The following SLC26A5 variants were observed in gnomAD, a reference collection of about 807,000 sequenced individuals.
SLC26A5 encodes solute carrier family 26 member 5.
SLC26A5 carries 51 observed loss-of-function variants against 81.0 expected under a neutral mutation model. The observed-to-expected ratio is 0.63, with a 90% CI of 0.50 to 0.80. The LOEUF (loss-of-function observed/expected upper bound fraction) is 0.80, where lower values mean the gene tolerates loss of function less well. Ranked by LOEUF, SLC26A5 falls within the 30% of genes least tolerant of loss-of-function variation. SLC26A5 has a pLI of 0.00. For synonymous variants in SLC26A5, 325 were observed against 332.8 expected (o/e 0.98, Z 0.25); for missense variants, 771 against 905.8 (o/e 0.85, Z 1.91).
At chr7:103,360,082 A>G (rs1049841901) in intron 19 of SLC26A5, among the ~76,000 whole-genome samples, 21 of 152,032 alleles carry the variant, frequency 1.4e-4, no homozygotes, top group Non-Finnish European at 1.6e-4. Flanking sequence ...CCGTCTCAAA[A>G]AAAAAAAAAA....
At chr7:103,369,852 TAAA>T, downstream of SLC26A5, among the ~76,000 whole-genome samples, 1 of 152,344 alleles carries the variant, frequency 6.6e-6, no homozygotes, top group Non-Finnish European at 1.5e-5. Flanking sequence ...TTAGGTGTAT[TAAA>T]AAACTCCGTT....
At chr7:103,407,072 A>T (rs1357867031) in intron 8 of SLC26A5, among the ~76,000 whole-genome samples, 1 of 152,334 alleles carries the variant, frequency 6.6e-6, no homozygotes, top group Non-Finnish European at 1.5e-5. Flanking sequence ...AGTGACATCT[A>T]TTGGGCACTG....
chr7:103,411,639 G>T, intron 5 of SLC26A5, 53 bp from the exon 6 acceptor site: 1 of 1,601,386 alleles, frequency 6.2e-7, no homozygotes, highest in Middle Eastern at 1.7e-4. Flanking sequence ...TATCTGATAT[G>T]GTTTTTGCCA....
chr7:103,423,768 C>T (rs767067191), intron 2 of SLC26A5, among the ~76,000 whole-genome samples: 16 of 152,144 alleles, frequency 1.1e-4, no homozygotes, highest in Admixed American at 2.6e-4. Context: ...AAATAAATTT[C>T]TATTGTTTAT....
At position 103,390,517 on chromosome 7, in the gene SLC26A5, G is replaced by A; in HGVS notation, c.1234-11C>T. Reference sequence around the variant, plus strand: ...CAAACAACCTGCAAGCTGAATGAGAGAAGACACATGGAAGGGGCTTTTAGG... The same window carrying A: ...CAAACAACCTGCAAGCTGAATGAGAAAAGACACATGGAAGGGGCTTTTAGG... On this transcript the variant is annotated splice_polypyrimidine_tract_variant and intron_variant, in intron 11 of 19. Coordinates refer to ENST00000306312, the MANE Select transcript of SLC26A5 (RefSeq NM_198999.3). 3 of 1,612,812 alleles carry A rather than the reference G, an allele frequency of 1.9e-6. No individual in the cohort carries two copies. Among genetic ancestry groups the A allele is most frequent in the Non-Finnish European group, 2.5e-6 (3 of 1,178,828 alleles).
At chr7:103,369,914 C>T (rs908425334), downstream of SLC26A5, among the ~76,000 whole-genome samples, 5 of 152,186 alleles carry the variant, frequency 3.3e-5, no homozygotes, top group East Asian at 9.6e-4. Context: ...AAATGCAATA[C>T]ACCAGTATAA....
chr7:103,420,261 C>G (rs1202698331), intron 4 of SLC26A5, among the ~76,000 whole-genome samples: 2 of 149,330 alleles, frequency 1.3e-5, no homozygotes, highest in Non-Finnish European at 3.0e-5. Flanking sequence ...AGTAGTAACA[C>G]CATTTTCTAC....
In SLC26A5 at chr7:103,377,659, G is replaced by C. The variant is rs778880996; in HGVS notation, c.1926C>G (p.Val642=). 21 of 1,613,976 alleles carry C rather than the reference G, an allele frequency of 1.3e-5. No homozygotes were observed. Among genetic ancestry groups the C allele is most frequent in the Non-Finnish European group, 1.7e-5 (20 of 1,180,006 alleles). The part of the protein sequence containing the change: ...FMPPGDNVHT[V]ILDFTQVNFI... ...AATTGACTTGAGTGAAATCCAAAAT[G>C]ACAGTGTGGACGTTATCCCCTGGGG... Residue 642 remains valine, a synonymous_variant, in exon 18 of 20, where the codon GTC becomes GTG. Coordinates refer to ENST00000306312, the MANE Select transcript of SLC26A5 (RefSeq NM_198999.3).
chr7:103,373,501 C>T (rs1018851380), downstream of SLC26A5, among the ~76,000 whole-genome samples: 7 of 152,134 alleles, frequency 4.6e-5, no homozygotes, highest in Non-Finnish European at 1.0e-4. Context: ...AGACAGGATT[C>T]TACAGGACCG....
In SLC26A5 at chr7:103,411,513, T is replaced by C; in HGVS notation, c.477A>G (p.Pro159=). The change falls in exon 6 of 20, where the codon CCA becomes CCG. Residue 159 remains proline, a synonymous_variant. Transcript: ENST00000306312. Reference sequence around the variant, plus strand: ...TGCCATTGGTTGCATTTACTCCTCCTGGAATGACTATATCATCTGGTACTA... The same window carrying C: ...TGCCATTGGTTGCATTTACTCCTCCCGGAATGACTATATCATCTGGTACTA... ...VRLVPDDIVI[P]GGVNATNGTE... 6.2e-7 allele frequency: 1 copy of C among 1,614,222 alleles called. No individual in the cohort carries two copies. Among genetic ancestry groups the C allele is most frequent in the Non-Finnish European group, 8.5e-7 (1 of 1,180,048 alleles).
chr7:103,357,319 T>A (rs1820091959), intron 19 of SLC26A5, among the ~76,000 whole-genome samples: 1 of 145,876 alleles, frequency 6.9e-6, no homozygotes, highest in Non-Finnish European at 1.5e-5. Context: ...AGAGTGATAC[T>A]CTGTCTCAAA....
intron 19 of SLC26A5, chr7:103,361,975 T>C (rs563994963): frequency 5.0e-6 from 8 of 1,612,788 alleles, no homozygotes; most frequent in Non-Finnish European, 6.8e-6. Flanking sequence ...AGATAATCAA[T>C]GCTGATTCGG....
At chr7:103,359,068 C>T (rs10233462) in intron 19 of SLC26A5, among the ~76,000 whole-genome samples, 1 of 142,344 alleles carries the variant, frequency 7.0e-6, no homozygotes. Flanking sequence ...GCTGCAGCCT[C>T]TGCTTCCTGG....
intron 18 of SLC26A5, among the ~76,000 whole-genome samples, chr7:103,377,248 A>C (rs912101622): frequency 6.6e-6 from 1 of 152,202 alleles, no homozygotes; most frequent in Non-Finnish European, 1.5e-5. Flanking sequence ...TGAGTAGCCT[A>C]GCATATTACA....
chr7:103,398,278 G>A (rs548471402), intron 8 of SLC26A5, among the ~76,000 whole-genome samples: 2 of 152,246 alleles, frequency 1.3e-5, no homozygotes, highest in Admixed American at 6.5e-5. Flanking sequence ...CTGGCTAGTT[G>A]ACTGCTACAG....
At chr7:103,362,669 C>A in intron 19 of SLC26A5, 1 of 1,585,416 alleles carries the variant, frequency 6.3e-7, no homozygotes, top group Non-Finnish European at 8.7e-7. Flanking sequence ...TAATGACTAT[C>A]TTTTTTACTT....
At position 103,367,637 on chromosome 7, in the gene SLC26A5, A is replaced by AG. The variant is rs1347931219; in HGVS notation, c.2041+9170dup. On this transcript the variant is annotated intron_variant, in intron 19 of 19. Coordinates refer to the SLC26A5 transcript ENST00000339444. The surrounding 1 kb of genome is among the most constrained non-coding windows in gnomAD (Gnocchi z 6.1). ...AGAGGTAAGAAAACCATTTCATTTT[A>AG]GGAAAGGGATTTTTGAAGTTTTTTC... The AG allele has an allele frequency of 6.2e-7, 1 of 1,610,470 alleles. No homozygotes were observed. The highest frequency in any genetic ancestry group is 2.2e-5 in the East Asian group (1 of 44,856).
At chr7:103,380,306 A>G (rs1821671967) in intron 15 of SLC26A5, among the ~76,000 whole-genome samples, 174 bp downstream of exon 15, 1 of 152,154 alleles carries the variant, frequency 6.6e-6, no homozygotes, top group African/African-American at 2.4e-5. Flanking sequence ...TTGAGTAGTT[A>G]ATGCATAGTA....
At chr7:103,443,444 A>G (rs932706849) in intron 1 of SLC26A5, among the ~76,000 whole-genome samples, 3 of 152,158 alleles carry the variant, frequency 2.0e-5, no homozygotes, top group Non-Finnish European at 4.4e-5. Context: ...ATATAGTTCA[A>G]TTTTTGAACT....
Sources: gnomAD v4.1 joint callset for allele counts (sites outside exome capture counted in the v4.1 genomes callset) on GRCh38, gnomAD v4.1.1 for gene constraint, Gnocchi (gnomAD v3.1) non-coding constraint, MANE v1.5 for transcripts, NCBI Gene and HGNC (gene_info 2026-07-23, HGNC 2026-07-21) for gene names.